CLMN: variants seen among roughly 807,000 people sequenced by gnomAD.
CLMN encodes calmin (calponin-like, transmembrane).
CLMN carries 57 observed loss-of-function variants against 92.7 expected under a neutral mutation model. The ratio of observed to expected loss-of-function variants is 0.61; its 90% CI spans 0.50 to 0.77. The LOEUF is 0.77. Among genes scored for constraint, CLMN ranks in the 30% least tolerant of loss-of-function variants. The pLI is 0.00. For synonymous variants in CLMN, 466 were observed against 470.6 expected (o/e 0.99, Z 0.13); for missense variants, 1,158 against 1,237.5 (o/e 0.94, Z 0.96).
chr14:95,204,562 A>G, intron 8 of CLMN, 99 bp from the exon 9 acceptor site: 3 of 1,082,670 alleles, frequency 2.8e-6, no homozygotes, highest in Non-Finnish European at 3.8e-6. Flanking sequence ...TTTAAGTACA[A>G]CCCATATCCA....
At chr14:95,238,729 G>T (rs537559124) in intron 1 of CLMN, among the ~76,000 whole-genome samples, 1 of 152,068 alleles carries the variant, frequency 6.6e-6, no homozygotes, top group Admixed American at 6.6e-5. Flanking sequence ...GGCACAAACC[G>T]GTGGTCTCCC....
intron 1 of CLMN, among the ~76,000 whole-genome samples, chr14:95,305,012 G>A (rs1174428804): frequency 6.6e-6 from 1 of 152,144 alleles, no homozygotes; most frequent in African/African-American, 2.4e-5. Flanking sequence ...TTTAAAGAGG[G>A]GAAAGCAACC....
chr14:95,253,531 T>G (rs1293621401), intron 1 of CLMN, among the ~76,000 whole-genome samples: 1 of 151,932 alleles, frequency 6.6e-6, no homozygotes, highest in Non-Finnish European at 1.5e-5. Context: ...TGCAGGGAGA[T>G]GGAGGACAGT....
At chr14:95,206,328 T>TC (rs773688398) in intron 8 of CLMN, among the ~76,000 whole-genome samples, 1 of 152,198 alleles carries the variant, frequency 6.6e-6, no homozygotes, top group Non-Finnish European at 1.5e-5. Context: ...GATTTTTTTT[T>TC]CAACATTTCT....
At chr14:95,229,993 C>T in intron 2 of CLMN, 79 bp downstream of exon 2, 1 of 1,338,300 alleles carries the variant, frequency 7.5e-7, no homozygotes, top group Non-Finnish European at 1.1e-6. Context: ...AGGTCACCAG[C>T]TCCCCCTCCA....
intron 9 of CLMN, among the ~76,000 whole-genome samples, chr14:95,198,211 G>A (rs1896779483): frequency 6.6e-6 from 1 of 151,588 alleles, no homozygotes; most frequent in Non-Finnish European, 1.5e-5. Flanking sequence ...CACCACGCCT[G>A]GCTAATTTTT....
At chr14:95,212,593 A>G (rs1897229140) in intron 6 of CLMN, among the ~76,000 whole-genome samples, 1 of 152,190 alleles carries the variant, frequency 6.6e-6, no homozygotes, top group African/African-American at 2.4e-5. Flanking sequence ...AGACTCTGGA[A>G]GATACCCTGA....
chr14:95,278,022 T>C (rs1421636438), intron 1 of CLMN, among the ~76,000 whole-genome samples: 1 of 152,248 alleles, frequency 6.6e-6, no homozygotes, highest in African/African-American at 2.4e-5. Context: ...TGCCATTTAC[T>C]GATTCTTTCC....
At chr14:95,291,665 T>C (rs774923311) in intron 1 of CLMN, among the ~76,000 whole-genome samples, 14 of 152,064 alleles carry the variant, frequency 9.2e-5, no homozygotes, top group Non-Finnish European at 1.5e-4. Flanking sequence ...ATAGATAAAT[T>C]CCCATAGCCT....
chr14:95,288,870 T>A (rs1244335160), intron 1 of CLMN, among the ~76,000 whole-genome samples: 1 of 152,078 alleles, frequency 6.6e-6, no homozygotes, highest in African/African-American at 2.4e-5. Context: ...TACACAGCAA[T>A]GAAAAAGAAT....
chr14:95,212,432 GC>G lies in CLMN; in HGVS notation c.608+786del, dbSNP rs1464200791. 2.6e-5 allele frequency among the ~76,000 whole-genome samples: 4 copies of G among 152,326 alleles called. No homozygotes were observed. In the South Asian group the frequency reaches 8.3e-4, roughly 32 times the overall value. On this transcript the variant is annotated intron_variant, in intron 6 of 12. Coordinates refer to ENST00000298912, the MANE Select transcript of CLMN (RefSeq NM_024734.4). ...CTGTGGGCCTGCTGCTGGTAAAAAGGCCTGATACAAAACTGCTAAAATCACT... is the reference window on the plus strand; with the variant it reads ...CTGTGGGCCTGCTGCTGGTAAAAAGGCTGATACAAAACTGCTAAAATCACT...
intron 1 of CLMN, among the ~76,000 whole-genome samples, chr14:95,296,604 C>T (rs1226736102): frequency 6.6e-6 from 1 of 152,234 alleles, no homozygotes; most frequent in Non-Finnish European, 1.5e-5. Context: ...CTTCCATTAA[C>T]AGAGAGCTAG....
rs1211059061 is a variant in CLMN at position 95,209,282 on chromosome 14, C to A, written c.885+113G>T. Reference sequence around the variant, plus strand: ...GCTCAAGGGACTTGGGAGCAACTGGCGATTTTGACTGCTAGTTACACAGAG... The same window carrying A: ...GCTCAAGGGACTTGGGAGCAACTGGAGATTTTGACTGCTAGTTACACAGAG... On this transcript the variant is annotated intron_variant, in intron 8 of 12. Transcript: ENST00000298912. 3.2e-5 allele frequency: 29 copies of A among 903,578 alleles called. No homozygotes were observed. In the South Asian group the frequency reaches 3.8e-4, roughly 12 times the overall value. 56.0% of individuals were successfully genotyped at this position (903,578 alleles called of 1,614,324 possible). A position where few individuals can be genotyped will look rare whatever the true frequency, so the allele number is the denominator to read the frequency against.
chr14:95,255,199 TG>T (rs1898948781), intron 1 of CLMN, among the ~76,000 whole-genome samples: 1 of 152,074 alleles, frequency 6.6e-6, no homozygotes, highest in Non-Finnish European at 1.5e-5. Context: ...ACCTTGATCC[TG>T]GACTTCCAGC....
chr14:95,215,310 G>C (rs1897304339), intron 5 of CLMN, among the ~76,000 whole-genome samples: 1 of 152,212 alleles, frequency 6.6e-6, no homozygotes, highest in Non-Finnish European at 1.5e-5. Context: ...TTTCAGGAAA[G>C]TAACTCTACC....
intron 1 of CLMN, among the ~76,000 whole-genome samples, chr14:95,266,981 T>C (rs1019452684): frequency 1.3e-5 from 2 of 152,166 alleles, no homozygotes; most frequent in Admixed American, 1.3e-4. Context: ...CATAACCATA[T>C]GCCAAAGAAT....
At chr14:95,314,860 C>T (rs1901694538) in intron 1 of CLMN, among the ~76,000 whole-genome samples, 1 of 152,250 alleles carries the variant, frequency 6.6e-6, no homozygotes, top group African/African-American at 2.4e-5. Context: ...ACCAGGCACA[C>T]AGCCCCAGGG....
intron 1 of CLMN, among the ~76,000 whole-genome samples, chr14:95,243,015 C>CA (rs1391871203): frequency 3.9e-5 from 6 of 152,164 alleles, no homozygotes; most frequent in African/African-American, 1.4e-4. Context: ...TGGTCTTTGT[C>CA]ATATAGAGTC....
intron 1 of CLMN, among the ~76,000 whole-genome samples, chr14:95,249,273 T>A (rs1898690496): frequency 6.6e-6 from 1 of 152,216 alleles, no homozygotes; most frequent in South Asian, 2.1e-4. Flanking sequence ...TTATCTTGCT[T>A]CCTCTTCATC....
Sources: gnomAD v4.1 joint callset for allele counts (sites outside exome capture counted in the v4.1 genomes callset) on GRCh38, gnomAD v4.1.1 for gene constraint, MANE v1.5 for transcripts, NCBI Gene and HGNC (gene_info 2026-07-23, HGNC 2026-07-21) for gene names.